The following TMTC2 variants were observed in gnomAD, a reference collection of about 807,000 sequenced individuals.
TMTC2 encodes the protein protein O-mannosyl-transferase TMTC2.
In TMTC2, 43 loss-of-function variants were observed where a neutral mutation model predicts 82.4. The ratio of observed to expected loss-of-function variants is 0.52; its 90% CI spans 0.41 to 0.67. The LOEUF is 0.67. Ranked by LOEUF, TMTC2 falls within the 30% of genes least tolerant of loss-of-function variation. The pLI, the probability that TMTC2 is intolerant of heterozygous loss-of-function variation, is 0.00. For missense variants in TMTC2, 919 were observed against 1,012.4 expected, an observed-to-expected ratio of 0.91 and a Z score of 1.25; for synonymous variants, 408 against 381.9, an observed-to-expected ratio of 1.07 and a Z score of -0.80.
At chr12:82,698,819 C>T (rs1180357142) in intron 1 of TMTC2, among the ~76,000 whole-genome samples, 5 of 152,046 alleles carry the variant, frequency 3.3e-5, no homozygotes, top group Non-Finnish European at 1.5e-5. Context: ...TGTGATACCT[C>T]GTCAATTGAT....
At chr12:82,781,036 T>G (rs1776225195) in intron 1 of TMTC2, among the ~76,000 whole-genome samples, 2 of 152,076 alleles carry the variant, frequency 1.3e-5, no homozygotes, top group Admixed American at 1.3e-4. Context: ...AATGTTGCTT[T>G]TGCAGTTTTA....
chr12:83,111,913 A>G (rs1884612007), intron 11 of TMTC2, among the ~76,000 whole-genome samples: 1 of 151,844 alleles, frequency 6.6e-6, no homozygotes, highest in Non-Finnish European at 1.5e-5. Context: ...TGCTCCTTCA[A>G]GCCTGGGCAA....
intron 3 of TMTC2, among the ~76,000 whole-genome samples, chr12:82,898,983 C>T (rs377350328): frequency 2.1e-4 from 32 of 152,162 alleles, no homozygotes; most frequent in African/African-American, 6.5e-4. Flanking sequence ...CTGAAAGTTA[C>T]GATTCTAAAT....
At chr12:83,072,711 G>A (rs1883158999) in intron 11 of TMTC2, among the ~76,000 whole-genome samples, 1 of 152,020 alleles carries the variant, frequency 6.6e-6, no homozygotes, top group Admixed American at 6.6e-5. Flanking sequence ...TTAGGATTGT[G>A]GTATTTTCCT....
At chr12:82,885,698 A>G (rs566839389) in intron 2 of TMTC2, among the ~76,000 whole-genome samples, 16 of 152,266 alleles carry the variant, frequency 1.1e-4, no homozygotes, top group African/African-American at 3.9e-4. Flanking sequence ...GAGGAAGAAC[A>G]TACATGTAAA....
chr12:82,689,534 C>G (rs1397799075), intron 1 of TMTC2, among the ~76,000 whole-genome samples: 1 of 152,164 alleles, frequency 6.6e-6, no homozygotes, highest in Non-Finnish European at 1.5e-5. Flanking sequence ...TCATTGCTGT[C>G]TAATCCTTAA....
At chr12:82,968,138 A>G (rs1267701356) in intron 7 of TMTC2, among the ~76,000 whole-genome samples, 1 of 152,112 alleles carries the variant, frequency 6.6e-6, no homozygotes, top group Non-Finnish European at 1.5e-5. Context: ...TATTTATTCC[A>G]TGTCTCTGGG....
At chr12:83,052,724 C>T (rs1270190544) in intron 10 of TMTC2, among the ~76,000 whole-genome samples, 2 of 152,128 alleles carry the variant, frequency 1.3e-5, no homozygotes, top group Non-Finnish European at 2.9e-5. Context: ...AAGTGTATTA[C>T]AAAATAAAGT....
intron 7 of TMTC2, among the ~76,000 whole-genome samples, chr12:82,972,133 T>C (rs1878476874): frequency 6.6e-6 from 1 of 152,190 alleles, no homozygotes; most frequent in Non-Finnish European, 1.5e-5. Flanking sequence ...AATTTCCTGT[T>C]CTCTGAAAAG....
Position 82,765,679 on chromosome 12 carries a change from AAAC to A in TMTC2, c.83+78013_83+78015del, listed in dbSNP as rs1185208371. On this transcript the variant is annotated intron_variant, in intron 1 of 11. Coordinates refer to ENST00000321196, the MANE Select transcript of TMTC2 (RefSeq NM_152588.3). ...ACAAGAGTGAAACTCCATCTCGAAA[AAAC>A]AAAACAAAACAAAACAAAACAAACA... Among the ~76,000 whole-genome samples the A allele has an allele frequency of 7.7e-5, 11 of 143,266 alleles. No individual in the cohort carries two copies. The East Asian group carries it at 1.6e-3, about 20-fold the overall frequency. The allele number at this position is 143,266 out of a possible 152,430, so 94.0% of individuals were successfully genotyped here. A position where few individuals can be genotyped will look rare whatever the true frequency, so the allele number is the denominator to read the frequency against.
At chr12:83,001,637 A>G in intron 8 of TMTC2, among the ~76,000 whole-genome samples, 1 of 87,164 alleles carries the variant, frequency 1.1e-5, no homozygotes, top group African/African-American at 5.5e-5. Context: ...CTCTGTCTCA[A>G]AAAAAAAAAA....
chr12:82,800,132 C>T (rs1878921834), intron 1 of TMTC2, among the ~76,000 whole-genome samples: 1 of 152,136 alleles, frequency 6.6e-6, no homozygotes, highest in Non-Finnish European at 1.5e-5. Flanking sequence ...CACGTACACT[C>T]TGTCAACTGA....
intron 1 of TMTC2, among the ~76,000 whole-genome samples, chr12:82,719,642 T>C (rs1874100819): frequency 6.7e-6 from 1 of 150,216 alleles, no homozygotes; most frequent in South Asian, 2.1e-4. Flanking sequence ...TATGCCTGAT[T>C]GAGGAAACAT....
intron 3 of TMTC2, among the ~76,000 whole-genome samples, chr12:82,924,083 T>C (rs1275975204): frequency 2.0e-5 from 3 of 152,230 alleles, no homozygotes; most frequent in South Asian, 4.1e-4. Flanking sequence ...ATTGTTTTTA[T>C]ATTTGAGGAT....
Position 82,893,199 on chromosome 12 carries a change from G to A in TMTC2, c.655-2619G>A, listed in dbSNP as rs567042733. ...ATCCTGGCCAACATGGTGCAACCCC[G>A]TCTCTACTAAAAATACGAAAAATTA... On this transcript the variant is annotated intron_variant, in intron 2 of 11. Coordinates refer to ENST00000321196, the MANE Select transcript of TMTC2 (RefSeq NM_152588.3). Among the ~76,000 whole-genome samples, 98 of 151,772 alleles carry A rather than the reference G, an allele frequency of 6.5e-4. 1 individual carries two copies. The highest frequency in any genetic ancestry group is 2.1e-3 in the African/African-American group (89 of 41,424).
intron 1 of TMTC2, among the ~76,000 whole-genome samples, chr12:82,853,998 C>A (rs1871122524): frequency 6.7e-6 from 1 of 150,344 alleles, no homozygotes; most frequent in African/African-American, 2.4e-5. Context: ...TAAGCAATTA[C>A]TTCTGGGTAG....
At chr12:82,743,936 G>C (rs1223826781) in intron 1 of TMTC2, among the ~76,000 whole-genome samples, 2 of 151,950 alleles carry the variant, frequency 1.3e-5, no homozygotes, top group African/African-American at 4.8e-5. Flanking sequence ...TTGTATGATG[G>C]TTGGTTGCTA....
chr12:83,058,266 G>T (rs907912958), intron 10 of TMTC2, among the ~76,000 whole-genome samples: 1 of 151,654 alleles, frequency 6.6e-6, no homozygotes, highest in African/African-American at 2.4e-5. Context: ...GTTTGCTTTC[G>T]ATCTGAGAGT....
chr12:83,010,944 C>A (rs1189582236), intron 8 of TMTC2, among the ~76,000 whole-genome samples: 2 of 152,146 alleles, frequency 1.3e-5, no homozygotes, highest in Non-Finnish European at 2.9e-5. Context: ...AAGTGATTAT[C>A]CTGTCTCAGC....
Sources: allele counts gnomAD v4.1 joint callset (sites outside exome capture counted in the v4.1 genomes callset), GRCh38; gene constraint gnomAD v4.1.1; transcripts MANE v1.5; gene names NCBI Gene and HGNC (gene_info 2026-07-23, HGNC 2026-07-21).